DSCAM: variants seen among roughly 807,000 people sequenced by gnomAD.
DSCAM encodes the protein cell adhesion molecule DSCAM.
DSCAM carries 47 observed loss-of-function variants against 217.7 expected under a neutral mutation model. The observed-to-expected ratio is 0.22, with a 90% confidence interval of 0.17 to 0.28. The LOEUF is 0.28. Ranked by LOEUF, DSCAM falls within the 10% of genes least tolerant of loss-of-function variation. DSCAM has a pLI of 1.00. For missense variants in DSCAM, 2,080 were observed against 2,618.3 expected (o/e 0.79, Z 4.49); for synonymous variants, 1,056 against 1,015.3 (o/e 1.04, Z -0.76).
At chr21:40,536,216 C>T (rs929236323) in intron 3 of DSCAM, among the ~76,000 whole-genome samples, 1 of 152,144 alleles carries the variant, frequency 6.6e-6, no homozygotes, top group African/African-American at 2.4e-5. Context: ...GACTGGGACA[C>T]TGTTAAGGGT....
intron 5 of DSCAM, among the ~76,000 whole-genome samples, chr21:40,351,134 CAT>C (rs2074626363): frequency 6.6e-6 from 1 of 152,036 alleles, no homozygotes; most frequent in Non-Finnish European, 1.5e-5. Flanking sequence ...AGACATTACA[CAT>C]GTCTAGTGTA....
chr21:40,483,345 T>A (rs2075998308), intron 3 of DSCAM, among the ~76,000 whole-genome samples: 1 of 152,222 alleles, frequency 6.6e-6, no homozygotes, highest in Non-Finnish European at 1.5e-5. Context: ...TATGGATAAG[T>A]ATGGTTTTAG....
At chr21:40,767,387 AACAC>A (rs889839151) in intron 1 of DSCAM, among the ~76,000 whole-genome samples, 3 of 152,134 alleles carry the variant, frequency 2.0e-5, no homozygotes, top group African/African-American at 7.2e-5. Flanking sequence ...CTTTGGGCAA[AACAC>A]ACAGACAAGC....
intron 3 of DSCAM, among the ~76,000 whole-genome samples, chr21:40,416,085 G>C (rs2075369098): frequency 6.6e-6 from 1 of 152,084 alleles, no homozygotes; most frequent in African/African-American, 2.4e-5. Context: ...TGCACACTTG[G>C]ACATGATGTG....
chr21:40,071,198 C>G (rs1282284942), intron 27 of DSCAM, among the ~76,000 whole-genome samples: 1 of 152,058 alleles, frequency 6.6e-6, no homozygotes, highest in Non-Finnish European at 1.5e-5. Context: ...CCTTGCACTT[C>G]AAAGGATCTA....
chr21:40,453,455 C>T (rs1478934602), intron 3 of DSCAM, among the ~76,000 whole-genome samples: 4 of 152,160 alleles, frequency 2.6e-5, no homozygotes, highest in East Asian at 1.9e-4. Flanking sequence ...ATGCACAAAA[C>T]GCCTGCAACA....
At chr21:40,248,106 CAG>C (rs1569022147) in intron 11 of DSCAM, among the ~76,000 whole-genome samples, 1 of 152,198 alleles carries the variant, frequency 6.6e-6, no homozygotes. Flanking sequence ...AGGCTGCACA[CAG>C]CATGGGCACC....
chr21:40,168,690 C>T (rs190296415), intron 15 of DSCAM, among the ~76,000 whole-genome samples: 2 of 152,226 alleles, frequency 1.3e-5, no homozygotes, highest in Non-Finnish European at 2.9e-5. Context: ...GTAAAGCTAT[C>T]TTATAGATAA....
At chr21:40,277,293 C>T (rs1349510896) in intron 10 of DSCAM, among the ~76,000 whole-genome samples, 2 of 152,258 alleles carry the variant, frequency 1.3e-5, no homozygotes, top group East Asian at 3.9e-4. Context: ...CTGAACAAGT[C>T]AGACGTCTCC....
intron 16 of DSCAM, among the ~76,000 whole-genome samples, chr21:40,160,242 A>G (rs2090526180): frequency 6.6e-6 from 1 of 152,234 alleles, no homozygotes; most frequent in Admixed American, 6.5e-5. Flanking sequence ...TCAAGTTCCA[A>G]TAATGACAAA....
chr21:40,801,384 G>C (rs1569043117), intron 1 of DSCAM, among the ~76,000 whole-genome samples: 1 of 152,210 alleles, frequency 6.6e-6, no homozygotes, highest in African/African-American at 2.4e-5. Context: ...TAATAAGTGT[G>C]TTCAGGAGAG....
At chr21:40,168,816 T>A (rs2146777125) in intron 15 of DSCAM, among the ~76,000 whole-genome samples, 1 of 152,082 alleles carries the variant, frequency 6.6e-6, no homozygotes, top group South Asian at 2.1e-4. Flanking sequence ...GCCATTTGAG[T>A]TTTTTCTGTC....
At chr21:40,729,859 A>C (rs1300936752) in intron 1 of DSCAM, among the ~76,000 whole-genome samples, 1 of 152,238 alleles carries the variant, frequency 6.6e-6, no homozygotes, top group East Asian at 1.9e-4. Flanking sequence ...ATGCTAATTT[A>C]CAACTGCACT....
At chr21:40,795,596 C>T (rs559555085) in intron 1 of DSCAM, among the ~76,000 whole-genome samples, 1 of 152,174 alleles carries the variant, frequency 6.6e-6, no homozygotes, top group Admixed American at 6.5e-5. Context: ...ATCTTTGCTC[C>T]TCACACAACA....
chr21:40,286,750 C>CTGCAGTG (rs1339485610), intron 10 of DSCAM, among the ~76,000 whole-genome samples: 3 of 151,908 alleles, frequency 2.0e-5, no homozygotes, highest in Admixed American at 2.0e-4. Flanking sequence ...ATGGTGTGAT[C>CTGCAGTG]TGCAGTGTGA....
chr21:40,449,002 AATT>A (rs982709393), intron 3 of DSCAM, among the ~76,000 whole-genome samples: 7 of 152,106 alleles, frequency 4.6e-5, no homozygotes, highest in Admixed American at 4.6e-4. Flanking sequence ...CTGAAGAGAA[AATT>A]ATTATTATTA....
At position 40,087,381 on chromosome 21, in the gene DSCAM, A is replaced by G. The variant is rs972199486; in HGVS notation, c.3851-94T>C. The G allele has an allele frequency of 1.6e-5, 14 of 888,698 alleles. No individual in the cohort carries two copies. The African/African-American group carries it at 2.1e-4, about 14-fold the overall frequency. 55.1% of individuals were successfully genotyped at this position (888,698 alleles called of 1,614,324 possible). On this transcript the variant is annotated intron_variant, in intron 21 of 32. Coordinates refer to ENST00000400454, the MANE Select transcript of DSCAM (RefSeq NM_001389.5). ...TACTCAATAAGGGCAATACCTAAAA[A>G]TGGATGTGAAGCCAATTCACATTAC...
intron 1 of DSCAM, among the ~76,000 whole-genome samples, chr21:40,731,924 A>G (rs999729520): frequency 6.6e-6 from 1 of 152,058 alleles, no homozygotes; most frequent in African/African-American, 2.4e-5. Context: ...ACAGGGTTTT[A>G]TCACGTTGGC....
At chr21:40,483,978 T>C (rs1376998265) in intron 3 of DSCAM, among the ~76,000 whole-genome samples, 10 of 152,210 alleles carry the variant, frequency 6.6e-5, no homozygotes. Flanking sequence ...GCAATTTTAA[T>C]CCTGACATTT....
Sources: gnomAD v4.1 joint callset for allele counts (sites outside exome capture counted in the v4.1 genomes callset) on GRCh38, gnomAD v4.1.1 for gene constraint, MANE v1.5 for transcripts, NCBI Gene and HGNC (gene_info 2026-07-23, HGNC 2026-07-21) for gene names.